SAMD4A: variants seen among roughly 807,000 people sequenced by gnomAD.
The protein encoded by SAMD4A is sterile alpha motif domain containing 4A.
A neutral mutation model predicts 81.3 loss-of-function variants in SAMD4A; 33 were observed. The observed-to-expected ratio is 0.41, with a 90% CI of 0.31 to 0.54. SAMD4A has a LOEUF of 0.54. Among genes scored for constraint, SAMD4A ranks in the 20% least tolerant of loss-of-function variants. The probability of loss-of-function intolerance (pLI) is 0.37; values close to 1 mark genes in which losing one functional copy is unlikely to be tolerated. For missense variants in SAMD4A, 854 were observed against 951.1 expected (o/e 0.90, Z 1.34); for synonymous variants, 389 against 382.1 (o/e 1.02, Z -0.21).
chr14:54,672,719 ATTC>A (rs369463729), intron 2 of SAMD4A, among the ~76,000 whole-genome samples: 12 of 152,358 alleles, frequency 7.9e-5, no homozygotes, highest in African/African-American at 2.9e-4. Flanking sequence ...GTCATTTAAA[ATTC>A]TTTTTGGTAC....
At chr14:54,642,454 G>A (rs756200387) in intron 2 of SAMD4A, among the ~76,000 whole-genome samples, 1 of 152,148 alleles carries the variant, frequency 6.6e-6, no homozygotes, top group Admixed American at 6.5e-5. Flanking sequence ...GTCTGGCATC[G>A]GCTCTCCATA....
intron 3 of SAMD4A, among the ~76,000 whole-genome samples, chr14:54,726,040 C>G (rs2037407260): frequency 6.6e-6 from 1 of 152,034 alleles, no homozygotes; most frequent in South Asian, 2.1e-4. Flanking sequence ...GTCAACCCTT[C>G]TAACAAGATC....
At chr14:54,728,830 A>G (rs2037489102) in intron 3 of SAMD4A, among the ~76,000 whole-genome samples, 1 of 152,192 alleles carries the variant, frequency 6.6e-6, no homozygotes, top group Non-Finnish European at 1.5e-5. Flanking sequence ...AATCCTAGTC[A>G]TGCATGTGGC....
chr14:54,634,984 C>T (rs763081021), intron 2 of SAMD4A, among the ~76,000 whole-genome samples: 13 of 152,144 alleles, frequency 8.5e-5, no homozygotes, highest in Non-Finnish European at 1.8e-4. Flanking sequence ...CTGTATCCTG[C>T]TATGCATTCA....
intron 6 of SAMD4A, among the ~76,000 whole-genome samples, chr14:54,757,425 G>GTGTGTTT (rs146340671): frequency 0.045 from 6,142 of 135,418 alleles, 196 homozygotes; most frequent in South Asian, 0.11. Context: ...GTGTGTGTGT[G>GTGTGTTT]TGTTTTGTTT....
At chr14:54,568,699 A>G (rs1461637467) in intron 2 of SAMD4A, among the ~76,000 whole-genome samples, 11 of 26,246 alleles carry the variant, frequency 4.2e-4, no homozygotes, top group Non-Finnish European at 6.9e-4. Context: ...GCATATATAT[A>G]TATATATATA....
chr14:54,645,104 T>C (rs1236999895), intron 2 of SAMD4A, among the ~76,000 whole-genome samples: 3 of 152,226 alleles, frequency 2.0e-5, no homozygotes, highest in African/African-American at 7.2e-5. Flanking sequence ...CTAACTGGTG[T>C]AGTTTTAAAA....
At chr14:54,749,798 C>T (rs1031236642) in intron 5 of SAMD4A, among the ~76,000 whole-genome samples, 3 of 152,158 alleles carry the variant, frequency 2.0e-5, no homozygotes, top group African/African-American at 4.8e-5. Context: ...TTAAAAGAAT[C>T]GATGGTCTGA....
chr14:54,678,392 T>C, intron 2 of SAMD4A, among the ~76,000 whole-genome samples: 1 of 151,032 alleles, frequency 6.6e-6, no homozygotes, highest in Non-Finnish European at 1.5e-5. Context: ...ATTCTGCTGT[T>C]TTCTCTAATA....
intron 6 of SAMD4A, among the ~76,000 whole-genome samples, chr14:54,755,716 G>C (rs560468342): frequency 3.2e-4 from 48 of 152,242 alleles, no homozygotes; most frequent in African/African-American, 1.1e-3. Context: ...ATGGGTGAGG[G>C]GCCATGGGGT....
At chr14:54,760,615 C>A in intron 7 of SAMD4A, 121 bp downstream of exon 7, 1 of 1,335,008 alleles carries the variant, frequency 7.5e-7, no homozygotes, top group South Asian at 2.2e-5. Flanking sequence ...TCATTAGCTT[C>A]ATCTTACAGA....
At position 54,567,909 on chromosome 14, in the gene SAMD4A, C is replaced by G. The variant is rs1332901361; in HGVS notation, c.-8C>G. ...GGGGCTCTGTAGACCGAGGGCGGCC[C>G]CCTAACCATGATGTTTCGCGACCAG... On this transcript the variant is annotated 5_prime_UTR_variant, in exon 2 of 13. Transcript: ENST00000554335. 1.7e-5 allele frequency: 27 copies of G among 1,604,864 alleles called. No individual in the cohort carries two copies. Among genetic ancestry groups the G allele is most frequent in the Admixed American group, 1.2e-4 (7 of 59,736 alleles).
chr14:54,760,269 C>A lies in SAMD4A; in HGVS notation c.1285C>A (p.Arg429Ser). ...SSPSTTPEAR[R>S]REPQAPRQPS... ...CCCGAGCACCACCCCCGAGGCTCGC[C>A]GCCGGGAGCCCCAGGCCCCGCGTCA... The change falls in exon 7 of 13, where the codon CGC becomes AGC. Residue 429 changes from arginine (R) to serine (S), a missense_variant. By Grantham distance (110) the Arg-to-Ser change is moderately radical. This residue lies in a region of SAMD4A where 428 missense variants were observed against 471.2 expected (regional missense o/e 0.91). Coordinates refer to ENST00000554335, the MANE Select transcript of SAMD4A (RefSeq NM_015589.6). The A allele has an allele frequency of 6.2e-7, 1 of 1,612,582 alleles. No homozygotes were observed. The highest frequency in any genetic ancestry group is 2.2e-5 in the East Asian group (1 of 44,854).
intron 7 of SAMD4A, 56 bp from the exon 8 acceptor site, chr14:54,764,399 C>T: frequency 8.5e-6 from 10 of 1,174,844 alleles, no homozygotes; most frequent in Non-Finnish European, 1.3e-5. Flanking sequence ...AGAGTCAGGT[C>T]CCAGAGATTA....
At position 54,671,832 on chromosome 14, in the gene SAMD4A, C is replaced by T. The variant is rs116930794; in HGVS notation, c.197-30230C>T. 2.3e-4 allele frequency among the ~76,000 whole-genome samples: 35 copies of T among 152,184 alleles called. No individual in the cohort carries two copies. In the East Asian group the frequency reaches 6.8e-3, roughly 29 times the overall value. On this transcript the variant is annotated intron_variant, in intron 2 of 12. Transcript: ENST00000554335. Reference sequence around the variant, plus strand: ...CTCAACGCATAGGCCTGAATTGACACCTCAGGGAAGAGGTGCGACAGGGCC... The same window carrying T: ...CTCAACGCATAGGCCTGAATTGACATCTCAGGGAAGAGGTGCGACAGGGCC...
chr14:54,621,644 G>A (rs1012526066), intron 2 of SAMD4A, among the ~76,000 whole-genome samples: 1 of 151,324 alleles, frequency 6.6e-6, no homozygotes, highest in African/African-American at 2.4e-5. Flanking sequence ...TTATAGCCGT[G>A]AGCCACTGTG....
At chr14:54,742,191 A>G (rs1227935547) in intron 4 of SAMD4A, among the ~76,000 whole-genome samples, 1 of 152,148 alleles carries the variant, frequency 6.6e-6, no homozygotes, top group Non-Finnish European at 1.5e-5. Flanking sequence ...GGGGTTCTTC[A>G]TGAGATAGAG....
chr14:54,780,140 CT>C (rs2038963780), intron 11 of SAMD4A, among the ~76,000 whole-genome samples: 1 of 152,138 alleles, frequency 6.6e-6, no homozygotes, highest in South Asian at 2.1e-4. Context: ...CCATAGCAGG[CT>C]TCAAAGGAAA....
chr14:54,689,323 C>A (rs1259621254), intron 2 of SAMD4A, among the ~76,000 whole-genome samples: 1 of 152,180 alleles, frequency 6.6e-6, no homozygotes, highest in Non-Finnish European at 1.5e-5. Flanking sequence ...CCTCCTGTCC[C>A]CATCCTGTAG....
Sources: gnomAD v4.1 joint callset for allele counts (sites outside exome capture counted in the v4.1 genomes callset) on GRCh38, gnomAD v4.1.1 for gene constraint, gnomAD v4.1.1 regional missense constraint, MANE v1.5 for transcripts, NCBI Gene and HGNC (gene_info 2026-07-23, HGNC 2026-07-21) for gene names.